LOC728392: variants seen among roughly 807,000 people sequenced by gnomAD.
chr17:5,499,878 C>T, the LOC728392 span: 1 of 985,958 alleles, frequency 1.0e-6, no homozygotes, highest in South Asian at 4.7e-5. Context: ...CGGACACTTC[C>T]AGGACGTGGT....
chr17:5,500,916 T>C, the LOC728392 span: 1 of 1,262,194 alleles, frequency 7.9e-7, no homozygotes, highest in South Asian at 1.3e-5. The surrounding 1 kb of genome is among the most constrained non-coding windows in gnomAD (Gnocchi z 5.4). Context: ...GCGAATCTGC[T>C]CGAGACCCCA....
At chr17:5,500,554 C>T in the LOC728392 span, 3 of 1,211,856 alleles carry the variant, frequency 2.5e-6, no homozygotes, top group Non-Finnish European at 3.1e-6. This position sits in a 1 kb window ranked among gnomAD's most constrained non-coding sequence, Gnocchi z 5.4. Context: ...TTCCCTTTCC[C>T]TCCCCGCTCG....
chr17:5,499,857 C>T, the LOC728392 span: 1 of 985,898 alleles, frequency 1.0e-6, no homozygotes, highest in Non-Finnish European at 1.2e-6. Flanking sequence ...AGCCACAGGT[C>T]CCGCGAGTCC....
chr17:5,500,936 C>T, the LOC728392 span: 1 of 1,256,166 alleles, frequency 8.0e-7, no homozygotes, highest in Non-Finnish European at 1.0e-6. The surrounding 1 kb of genome is among the most constrained non-coding windows in gnomAD (Gnocchi z 5.4). Context: ...AGGGTCTGCG[C>T]CGAAAGAGCC....
chr17:5,499,427 T>C, the LOC728392 span: 6 of 152,288 alleles, frequency 3.9e-5, no homozygotes, highest in East Asian at 5.8e-4. Flanking sequence ...GAACTGAATA[T>C]AGAGGAGACT....
At chr17:5,500,595 A>G in the LOC728392 span, 1 of 1,247,846 alleles carries the variant, frequency 8.0e-7, no homozygotes, top group Non-Finnish European at 1.0e-6. The surrounding 1 kb of genome is among the most constrained non-coding windows in gnomAD (Gnocchi z 5.4). Flanking sequence ...CGCGCTGGCC[A>G]CTCAGGCAAG....
the LOC728392 span, chr17:5,500,447 C>A: frequency 8.7e-7 from 1 of 1,145,274 alleles, no homozygotes; most frequent in Non-Finnish European, 1.1e-6. The surrounding 1 kb of genome is among the most constrained non-coding windows in gnomAD (Gnocchi z 5.4). Context: ...TACTGATAGA[C>A]AAAGATAGTG....
chr17:5,500,489 AG>A, the LOC728392 span: 1 of 1,156,154 alleles, frequency 8.6e-7, no homozygotes, highest in Non-Finnish European at 1.1e-6. The surrounding 1 kb of genome is among the most constrained non-coding windows in gnomAD (Gnocchi z 5.4). Context: ...AAGCATCGAA[AG>A]CTACATGAAG....
At chr17:5,499,826 C>T in the LOC728392 span, 1 of 986,018 alleles carries the variant, frequency 1.0e-6, no homozygotes, top group Non-Finnish European at 1.2e-6. Context: ...AGCTCTGGGC[C>T]TGCGTGCCGG....
chr17:5,499,880 G>A, the LOC728392 span: 4 of 985,936 alleles, frequency 4.1e-6, no homozygotes, highest in Non-Finnish European at 4.8e-6. Context: ...GACACTTCCA[G>A]GACGTGGTCT....
chr17:5,500,269 G>T, the LOC728392 span: 2 of 999,190 alleles, frequency 2.0e-6, no homozygotes, highest in Non-Finnish European at 2.4e-6. This position sits in a 1 kb window ranked among gnomAD's most constrained non-coding sequence, Gnocchi z 5.4. Flanking sequence ...AACACAAAAT[G>T]ATGGGATCCC....
chr17:5,500,254 C>A, the LOC728392 span: 178 of 998,146 alleles, frequency 1.8e-4, no homozygotes, highest in South Asian at 2.2e-3. The surrounding 1 kb of genome is among the most constrained non-coding windows in gnomAD (Gnocchi z 5.4). Context: ...ACTCTGAGCT[C>A]CCCAAACACA....
chr17:5,500,742 C>T, the LOC728392 span: 94,875 of 1,236,172 alleles, frequency 0.077, 4,615 homozygotes, highest in African/African-American at 0.23. This position sits in a 1 kb window ranked among gnomAD's most constrained non-coding sequence, Gnocchi z 5.4. Flanking sequence ...GGGCGGGGGG[C>T]GCGATGCGGC....
the LOC728392 span, chr17:5,500,618 A>G: frequency 3.2e-6 from 4 of 1,264,936 alleles, no homozygotes; most frequent in Non-Finnish European, 3.1e-6. The surrounding 1 kb of genome is among the most constrained non-coding windows in gnomAD (Gnocchi z 5.4). Context: ...GTAAATGGAT[A>G]TAGGTAAAGA....
chr17:5,500,083 G>A, the LOC728392 span: 1 of 986,150 alleles, frequency 1.0e-6, no homozygotes, highest in Non-Finnish European at 1.2e-6. This position sits in a 1 kb window ranked among gnomAD's most constrained non-coding sequence, Gnocchi z 5.4. Flanking sequence ...TCTCTCGGCC[G>A]CGCCAACTCT....
chr17:5,499,975 G>T, the LOC728392 span: 20 of 986,058 alleles, frequency 2.0e-5, 1 homozygote, highest in Admixed American at 6.8e-4. Flanking sequence ...ACACACAGTC[G>T]TGGTCAGCCG....
At chr17:5,500,366 C>A in the LOC728392 span, 1 of 1,050,142 alleles carries the variant, frequency 9.5e-7, no homozygotes, top group Non-Finnish European at 1.2e-6. This position sits in a 1 kb window ranked among gnomAD's most constrained non-coding sequence, Gnocchi z 5.4. Context: ...AAATTCTAAA[C>A]GCCTCCACCC....
the LOC728392 span, chr17:5,500,925 C>A: frequency 7.9e-7 from 1 of 1,259,118 alleles, no homozygotes; most frequent in Non-Finnish European, 1.0e-6. The surrounding 1 kb of genome is among the most constrained non-coding windows in gnomAD (Gnocchi z 5.4). Context: ...CTCGAGACCC[C>A]AGGGTCTGCG....
chr17:5,500,259 A>C, the LOC728392 span: 1 of 997,872 alleles, frequency 1.0e-6, no homozygotes, highest in South Asian at 4.2e-5. The surrounding 1 kb of genome is among the most constrained non-coding windows in gnomAD (Gnocchi z 5.4). Context: ...GAGCTCCCCA[A>C]ACACAAAATG....
Sources: gnomAD v4.1 joint callset for allele counts on GRCh38, gnomAD v4.1.1 for gene constraint, Gnocchi (gnomAD v3.1) non-coding constraint, MANE v1.5 for transcripts.